AGGF1: variants seen among roughly 807,000 people sequenced by gnomAD.
AGGF1 encodes angiogenic factor with G patch and FHA domains 1.
In AGGF1, 56 loss-of-function variants were observed where a neutral mutation model predicts 86.5. The ratio of observed to expected loss-of-function variants is 0.65; its 90% CI spans 0.52 to 0.81. The LOEUF is 0.81. Ranked by LOEUF, AGGF1 falls within the 30% of genes least tolerant of loss-of-function variation. The pLI, the probability that AGGF1 is intolerant of heterozygous loss-of-function variation, is 0.00. For synonymous variants in AGGF1, 313 were observed against 297.1 expected, an observed-to-expected ratio of 1.05 and a Z score of -0.55; for missense variants, 816 against 850.9, an observed-to-expected ratio of 0.96 and a Z score of 0.51.
At chr5:77,054,473 C>T (rs1313909430) in intron 10 of AGGF1, among the ~76,000 whole-genome samples, 2 of 152,180 alleles carry the variant, frequency 1.3e-5, no homozygotes, top group Non-Finnish European at 2.9e-5. Flanking sequence ...GATAAGCTCT[C>T]TTTCTGCTAA....
chr5:77,039,380 G>A (rs1318571367), intron 4 of AGGF1, 151 bp from the exon 5 acceptor site: 3 of 606,814 alleles, frequency 4.9e-6, no homozygotes, highest in African/African-American at 3.7e-5. Flanking sequence ...GAAGATTAAA[G>A]CATTTTTTAT....
At chr5:77,032,112 A>G (rs1746865094) in intron 1 of AGGF1, among the ~76,000 whole-genome samples, 1 of 152,236 alleles carries the variant, frequency 6.6e-6, no homozygotes, top group Admixed American at 6.5e-5. Flanking sequence ...CAAATGGACT[A>G]TGAAAATAAC....
In AGGF1 at chr5:77,059,650, A is replaced by C. The variant is rs1747518647; in HGVS notation, c.1751A>C (p.Asn584Thr). The C allele has an allele frequency of 2.5e-6, 4 of 1,612,036 alleles. No homozygotes were observed. Among genetic ancestry groups the C allele is most frequent in the Non-Finnish European group, 3.4e-6 (4 of 1,178,416 alleles). ...TEYEDEKTLK[N>T]PKYKDRAGKR... Reference sequence around the variant, plus strand: ...TACGAAGATGAAAAGACATTGAAGAATCCAAAATATAAAGATAGAGCTGGA... The same window carrying C: ...TACGAAGATGAAAAGACATTGAAGACTCCAAAATATAAAGATAGAGCTGGA... The change falls in exon 12 of 14, where the codon AAT becomes ACT. Residue 584 changes from asparagine to threonine, a missense_variant. By Grantham distance (65) the Asn-to-Thr change is moderately conservative. Coordinates refer to ENST00000312916, the MANE Select transcript of AGGF1 (RefSeq NM_018046.5).
At chr5:77,056,901 T>G (rs1191396475) in intron 11 of AGGF1, among the ~76,000 whole-genome samples, 1 of 151,626 alleles carries the variant, frequency 6.6e-6, no homozygotes, top group Non-Finnish European at 1.5e-5. Flanking sequence ...CAAAAAACTT[T>G]CAAAACTTAA....
chr5:77,039,562 G>A lies in AGGF1; in HGVS notation c.713G>A (p.Gly238Glu). 3.7e-6 allele frequency: 6 copies of A among 1,610,254 alleles called. No homozygotes were observed. Among genetic ancestry groups the A allele is most frequent in the Non-Finnish European group, 5.1e-6 (6 of 1,178,138 alleles). The change falls in exon 5 of 14, where the codon GGA becomes GAA. Residue 238 changes from glycine (G) to glutamate (E), a missense_variant. Gly to Glu is a moderately conservative substitution (Grantham distance 98, BLOSUM62 -2). This residue lies in a region of AGGF1 where 565 missense variants were observed against 585.8 expected (regional missense o/e 0.96). Coordinates refer to ENST00000312916, the MANE Select transcript of AGGF1 (RefSeq NM_018046.5). Reference protein sequence around the residue: ...ENQLYYDPSTGIYYYCDVESG... With the variant: ...ENQLYYDPSTEIYYYCDVESG... ...CAACTCTATTATGATCCTTCCACTG[G>A]AATTTATTACTATTGTGATGTGGAA...
chr5:77,061,051 T>G (rs1175081248), intron 12 of AGGF1, among the ~76,000 whole-genome samples: 6 of 152,174 alleles, frequency 3.9e-5, no homozygotes. Flanking sequence ...ATTAAGAAGT[T>G]TTATTTCAAT....
At chr5:77,054,274 T>G in intron 10 of AGGF1, 144 bp downstream of exon 10, 1 of 962,622 alleles carries the variant, frequency 1.0e-6, no homozygotes, top group Non-Finnish European at 1.6e-6. Flanking sequence ...GCTATCAGTC[T>G]TGTATCCAGT....
In AGGF1 at chr5:77,035,624, G is replaced by A. The variant is rs34203073; in HGVS notation, c.397G>A (p.Glu133Lys). 22,291 of 1,613,410 alleles carry A rather than the reference G, an allele frequency of 0.014. 196 individuals are homozygous for A. Among genetic ancestry groups the A allele is most frequent in the Middle Eastern group, 0.026 (157 of 6,054 alleles). ...ELSDQQDQAI[E>K]TSILNSKDHL... ...GTCAGATCAACAAGATCAAGCTATC[G>A]AAACTTCTATTTTGAATTCTAAAGA... The change falls in exon 3 of 14, where the codon GAA (glutamate) becomes AAA (lysine). Residue 133 changes from glutamate (E) to lysine (K), a missense_variant. Physicochemically the swap from Glu to Lys is moderately conservative, Grantham distance 56. Coordinates refer to ENST00000312916, the MANE Select transcript of AGGF1 (RefSeq NM_018046.5).
chr5:77,043,268 C>G (rs1462656073), intron 5 of AGGF1, among the ~76,000 whole-genome samples: 1 of 29,438 alleles, frequency 3.4e-5, no homozygotes, highest in African/African-American at 1.2e-4. Context: ...CGGGCAGAGG[C>G]GCCCCTCACC....
intron 8 of AGGF1, among the ~76,000 whole-genome samples, chr5:77,051,858 C>T (rs1234982856): frequency 6.6e-6 from 1 of 152,118 alleles, no homozygotes; most frequent in African/African-American, 2.4e-5. Flanking sequence ...AATGGATTAC[C>T]ATTCAGCAAA....
chr5:77,040,785 AT>A (rs1313309511), intron 5 of AGGF1, among the ~76,000 whole-genome samples: 1 of 152,112 alleles, frequency 6.6e-6, no homozygotes, highest in Non-Finnish European at 1.5e-5. Flanking sequence ...ATTTTATCTC[AT>A]GGTTTCCTGT....
chr5:77,044,827 A>G (rs957861061), intron 5 of AGGF1, among the ~76,000 whole-genome samples: 5 of 152,094 alleles, frequency 3.3e-5, no homozygotes, highest in African/African-American at 1.2e-4. Flanking sequence ...AAAGATAGGT[A>G]TGTGAGGTGG....
chr5:77,040,186 G>A (rs1443461697), intron 5 of AGGF1, among the ~76,000 whole-genome samples: 2 of 150,274 alleles, frequency 1.3e-5, no homozygotes, highest in East Asian at 1.9e-4. Context: ...TCAGCTCACC[G>A]CAACCTCCGC....
At chr5:77,061,890 A>G in intron 13 of AGGF1, 88 bp downstream of exon 13, 5 of 1,268,228 alleles carry the variant, frequency 3.9e-6, no homozygotes, top group Non-Finnish European at 5.7e-6. Flanking sequence ...CTTAAGTGCT[A>G]AGAATATAGT....
chr5:77,059,174 A>G (rs1449566090), intron 11 of AGGF1, among the ~76,000 whole-genome samples: 1 of 152,220 alleles, frequency 6.6e-6, no homozygotes, highest in African/African-American at 2.4e-5. Context: ...CTAGTAGTTC[A>G]TATGACAAGA....
In AGGF1 at chr5:77,046,469, C is replaced by G; in HGVS notation, c.993C>G (p.Pro331=). The G allele has an allele frequency of 6.2e-7, 1 of 1,614,040 alleles. No individual in the cohort carries two copies. The highest frequency in any genetic ancestry group is 8.5e-7 in the Non-Finnish European group (1 of 1,179,956). The stretch of plus-strand genomic sequence containing the variant: ...GCATTCATCACAAAAATAGTCCCCC[C>G]AAAGTCACTGTTCCAACTAGTGGAA... ...KIGIHHKNSP[P]KVTVPTSGNT... is the part of the protein sequence containing the mutation. The change falls in exon 6 of 14, where the codon CCC becomes CCG. Residue 331 remains proline, a synonymous_variant. Transcript: ENST00000312916.
chr5:77,052,802 C>T lies in AGGF1; in HGVS notation c.1462C>T (p.Leu488Phe), dbSNP rs755223449. 20 of 1,611,266 alleles carry T rather than the reference C, an allele frequency of 1.2e-5. No homozygotes were observed. Among genetic ancestry groups the T allele is most frequent in the Non-Finnish European group, 1.7e-5 (20 of 1,177,682 alleles). ...CACAATTGTTAATGGAAAACAGATT[C>T]TTCAGGTGAGTGTATATGTGTTAAT... The part of the protein sequence containing the change: ...NGTIVNGKQI[L>F]QPKTKCDPYV... The change falls in exon 9 of 14, where the codon CTT (leucine) becomes TTT (phenylalanine). Residue 488 changes from leucine (L) to phenylalanine (F), a missense_variant. Physicochemically the swap from Leu to Phe is conservative, Grantham distance 22. Coordinates refer to ENST00000312916, the MANE Select transcript of AGGF1 (RefSeq NM_018046.5).
intron 3 of AGGF1, chr5:77,036,105 C>T (rs1746963186): frequency 3.9e-6 from 1 of 258,586 alleles, no homozygotes; most frequent in Non-Finnish European, 7.4e-6. Flanking sequence ...TTCAAATTTC[C>T]CTGAATCTAT....
At chr5:77,038,730 C>T (rs1405967103) in intron 4 of AGGF1, among the ~76,000 whole-genome samples, 2 of 152,086 alleles carry the variant, frequency 1.3e-5, no homozygotes, top group Non-Finnish European at 2.9e-5. Context: ...AATCTCAGTA[C>T]ATTAAAGATG....
Sources: allele counts gnomAD v4.1 joint callset (sites outside exome capture counted in the v4.1 genomes callset), GRCh38; gene constraint gnomAD v4.1.1; regional missense constraint gnomAD v4.1.1; transcripts MANE v1.5; gene names NCBI Gene and HGNC (gene_info 2026-07-23, HGNC 2026-07-21).